The following NDE1 variants were observed in gnomAD, a reference collection of about 807,000 sequenced individuals.
The protein encoded by NDE1 is nuclear distribution protein nudE homolog 1.
In NDE1, 28 loss-of-function variants were observed where a neutral mutation model predicts 43.4. That is an observed-to-expected ratio of 0.65 (90% confidence interval 0.48 to 0.89). NDE1 has a LOEUF of 0.89. Ranked by LOEUF, NDE1 falls within the 40% of genes least tolerant of loss-of-function variation. NDE1 has a pLI of 0.00. For missense variants in NDE1, 441 were observed against 434.1 expected (o/e 1.02, Z -0.14); for synonymous variants, 184 against 172.0 (o/e 1.07, Z -0.55).
In NDE1 at chr16:15,691,230, A is replaced by G. The variant is rs766739628; in HGVS notation, c.610A>G (p.Thr204Ala). 1.2e-6 allele frequency: 2 copies of G among 1,614,136 alleles called. No homozygotes were observed. Among genetic ancestry groups the G allele is most frequent in the East Asian group, 2.2e-5 (1 of 44,890 alleles). ...CTCAGTGGAAGCTGAGAGGACAGAC[A>G]CAGCTGTGCAGGCCACGGGCTCCGT... ...PSSVEAERTD[T>A]AVQATGSVPS... The change falls in exon 6 of 9, where the codon ACA (threonine) becomes GCA (alanine). Residue 204 changes from threonine to alanine, a missense_variant. Thr to Ala is a moderately conservative substitution (Grantham distance 58). Transcript: ENST00000396354.
intron 3 of NDE1, among the ~76,000 whole-genome samples, chr16:15,669,782 AC>A (rs1412019003): frequency 1.3e-5 from 2 of 152,112 alleles, no homozygotes; most frequent in Non-Finnish European, 2.9e-5. Flanking sequence ...AGCATGAGTC[AC>A]CCCGCCTGAC....
chr16:15,671,262 G>C (rs1321525191), intron 3 of NDE1, among the ~76,000 whole-genome samples: 1 of 152,134 alleles, frequency 6.6e-6, no homozygotes, highest in Non-Finnish European at 1.5e-5. Context: ...CCAGCCCTTT[G>C]AGAGGCTGAG....
At chr16:15,712,918 C>G (rs1204881062) in intron 8 of NDE1, 1 of 96,364 alleles carries the variant, frequency 1.0e-5, no homozygotes, top group African/African-American at 4.3e-5. Flanking sequence ...CACTCTGTCA[C>G]CCAGGCTGGA....
At chr16:15,647,119 C>G (rs1286261720), upstream of NDE1, among the ~76,000 whole-genome samples, 2 of 152,188 alleles carry the variant, frequency 1.3e-5, no homozygotes, top group Non-Finnish European at 2.9e-5. Flanking sequence ...GTAAATGATT[C>G]ATTAATGTTT....
At chr16:15,689,062 TA>T (rs1356176820) in intron 5 of NDE1, among the ~76,000 whole-genome samples, 1 of 152,102 alleles carries the variant, frequency 6.6e-6, no homozygotes, top group Non-Finnish European at 1.5e-5. Flanking sequence ...GGATAAAAAG[TA>T]AAAATTCTTA....
intron 8 of NDE1, among the ~76,000 whole-genome samples, chr16:15,708,060 C>T (rs1307571343): frequency 6.6e-6 from 1 of 151,986 alleles, no homozygotes; most frequent in African/African-American, 2.4e-5. Flanking sequence ...TGGGTATCCA[C>T]TCCCCAGTCC....
intron 8 of NDE1, chr16:15,714,970 C>T (rs773460470): frequency 1.2e-6 from 2 of 1,614,132 alleles, no homozygotes; most frequent in South Asian, 1.1e-5. Context: ...TCCGTGGCCT[C>T]ATCCAGCTCC....
chr16:15,722,348 A>G (rs1005671114), intron 8 of NDE1, among the ~76,000 whole-genome samples: 2 of 152,218 alleles, frequency 1.3e-5, no homozygotes, highest in African/African-American at 2.4e-5. Flanking sequence ...CCCTGCACAC[A>G]TATCTCTCTG....
intron 1 of NDE1, 106 bp downstream of exon 1, chr16:15,650,400 C>A: frequency 6.1e-6 from 1 of 163,384 alleles, no homozygotes; most frequent in Non-Finnish European, 1.3e-5. Flanking sequence ...GACCCCGGGC[C>A]ACCGCCTGGC....
intron 8 of NDE1, chr16:15,717,963 C>T (rs2040253662): frequency 2.6e-6 from 1 of 390,782 alleles, no homozygotes; most frequent in East Asian, 5.8e-5. Flanking sequence ...GGAACTAGTG[C>T]TCAGTGACAT....
At chr16:15,721,654 G>A (rs569459815) in intron 8 of NDE1, 1 of 1,613,534 alleles carries the variant, frequency 6.2e-7, no homozygotes, top group Admixed American at 1.7e-5. Context: ...AAGACCCAGA[G>A]GTGACTTCTA....
At position 15,676,573 on chromosome 16, in the gene NDE1, G is replaced by A. The variant is rs979296696; in HGVS notation, c.238-1228G>A. ...GTTCCTTTTTTCTCCATGTCACAAC[G>A]GGGAGTCCTGGATCAAAAATTCAGA... On this transcript the variant is annotated intron_variant, in intron 3 of 8. Transcript: ENST00000396354. Among the ~76,000 whole-genome samples the A allele has an allele frequency of 9.2e-5, 14 of 152,008 alleles. 1 individual carries two copies. The highest frequency in any genetic ancestry group is 7.2e-4 in the Admixed American group (11 of 15,228).
intron 1 of NDE1, among the ~76,000 whole-genome samples, chr16:15,660,285 C>T (rs1408058636): frequency 6.6e-6 from 1 of 151,744 alleles, no homozygotes; most frequent in East Asian, 1.9e-4. Flanking sequence ...TGAGACCAGC[C>T]TAGGCAACAT....
chr16:15,667,011 C>T (rs1034015815), intron 2 of NDE1, among the ~76,000 whole-genome samples: 3 of 152,050 alleles, frequency 2.0e-5, no homozygotes, highest in African/African-American at 7.2e-5. Flanking sequence ...TTTGAGAGGC[C>T]GAGGCAGGCA....
Position 15,696,761 on chromosome 16 carries a change from C to T in NDE1, c.848C>T (p.Pro283Leu). The T allele has an allele frequency of 1.2e-6, 2 of 1,614,212 alleles. No homozygotes were observed. The highest frequency in any genetic ancestry group is 8.5e-7 in the Non-Finnish European group (1 of 1,180,030). ...CGGAACCTCGTGTACGATCAGTCCCCAAACCGAACAGGTGGCCCAGCCTCT... is the reference window on the plus strand; with the variant it reads ...CGGAACCTCGTGTACGATCAGTCCCTAAACCGAACAGGTGGCCCAGCCTCT... ...SCRNLVYDQS[P>L]NRTGGPASGR... The change falls in exon 8 of 9, where the codon CCA becomes CTA. Residue 283 changes from proline to leucine, a missense_variant. Transcript: ENST00000396354.
chr16:15,645,822 C>G (rs2036320703), upstream of NDE1, among the ~76,000 whole-genome samples: 1 of 152,140 alleles, frequency 6.6e-6, no homozygotes, highest in Non-Finnish European at 1.5e-5. Flanking sequence ...ACATGCAATT[C>G]AGCTTTTCAA....
At chr16:15,661,330 A>G (rs2037035567) in intron 1 of NDE1, among the ~76,000 whole-genome samples, 1 of 151,890 alleles carries the variant, frequency 6.6e-6, no homozygotes, top group African/African-American at 2.4e-5. Context: ...TTGTATTTTT[A>G]ATAGAGACAG....
At chr16:15,670,846 T>TGCCTA (rs968273056) in intron 3 of NDE1, among the ~76,000 whole-genome samples, 1 of 151,978 alleles carries the variant, frequency 6.6e-6, no homozygotes, top group African/African-American at 2.4e-5. Flanking sequence ...AAGCCCAGCT[T>TGCCTA]TACTAATGTA....
chr16:15,677,672 C>G, intron 3 of NDE1, 129 bp from the exon 4 acceptor site: 1 of 941,098 alleles, frequency 1.1e-6, no homozygotes, highest in Non-Finnish European at 1.7e-6. Flanking sequence ...CAGCCTCTAA[C>G]TCCTGGGCTC....
Sources: allele counts gnomAD v4.1 joint callset (sites outside exome capture counted in the v4.1 genomes callset), GRCh38; gene constraint gnomAD v4.1.1; transcripts MANE v1.5; gene names NCBI Gene and HGNC (gene_info 2026-07-23, HGNC 2026-07-21).